The following ZDHHC17 variants were observed in gnomAD, a reference collection of about 807,000 sequenced individuals.
The protein encoded by ZDHHC17 is palmitoyltransferase ZDHHC17.
In ZDHHC17, 40 loss-of-function variants were observed where a neutral mutation model predicts 90.3. The ratio of observed to expected loss-of-function variants is 0.44; its 90% confidence interval spans 0.34 to 0.58. The LOEUF is 0.58. Among genes scored for constraint, ZDHHC17 ranks in the 20% least tolerant of loss-of-function variants. The pLI is 0.01. For missense variants in ZDHHC17, 614 were observed against 780.8 expected, an observed-to-expected ratio of 0.79 and a Z score of 2.55; for synonymous variants, 235 against 252.4, an observed-to-expected ratio of 0.93 and a Z score of 0.65.
intron 1 of ZDHHC17, among the ~76,000 whole-genome samples, chr12:76,790,899 C>G (rs899914214): frequency 7.2e-6 from 1 of 138,134 alleles, no homozygotes; most frequent in Non-Finnish European, 1.6e-5. Flanking sequence ...TCCTAGTGTT[C>G]TATAGTATTA....
At chr12:76,840,041 C>T (rs1953413781) in intron 10 of ZDHHC17, 1 of 152,166 alleles carries the variant, frequency 6.6e-6, no homozygotes, top group Non-Finnish European at 1.5e-5. Context: ...AGTGTAGCTT[C>T]TGCTTCAGTC....
Position 76,781,093 on chromosome 12 carries a change from C to T in ZDHHC17, c.94-16341C>T, listed in dbSNP as rs564088619. ...AGCTTGCAGTGAGCCGAGATTGCGC[C>T]ACTGCACTCCAGCCTGGGCGACAAA... On this transcript the variant is annotated intron_variant, in intron 1 of 16. Transcript: ENST00000426126. 1.8e-3 allele frequency among the ~76,000 whole-genome samples: 260 copies of T among 144,610 alleles called. 2 individuals carry two copies. The highest frequency in any genetic ancestry group is 6.5e-3 in the African/African-American group (253 of 38,834). 94.9% of individuals were successfully genotyped at this position (144,610 alleles called of 152,430 possible).
intron 2 of ZDHHC17, among the ~76,000 whole-genome samples, chr12:76,804,825 A>G (rs1221241489): frequency 6.6e-6 from 1 of 152,112 alleles, no homozygotes; most frequent in Non-Finnish European, 1.5e-5. Flanking sequence ...ACTGCTATTG[A>G]AAGTCTCACT....
At chr12:76,835,513 A>AT (rs1295567272) in intron 10 of ZDHHC17, among the ~76,000 whole-genome samples, 1 of 151,818 alleles carries the variant, frequency 6.6e-6, no homozygotes, top group Admixed American at 6.6e-5. Flanking sequence ...AAGAATTTTA[A>AT]TTTTTTTAAA....
At chr12:76,812,225 C>T (rs1338386889) in intron 5 of ZDHHC17, among the ~76,000 whole-genome samples, 1 of 152,200 alleles carries the variant, frequency 6.6e-6, no homozygotes, top group Non-Finnish European at 1.5e-5. Context: ...GAGTTTTTCT[C>T]TGTGCTAGAG....
intron 10 of ZDHHC17, among the ~76,000 whole-genome samples, chr12:76,839,437 T>G (rs941034781): frequency 6.6e-6 from 1 of 152,218 alleles, no homozygotes; most frequent in Non-Finnish European, 1.5e-5. Context: ...GAGAGGCACT[T>G]GGTTTGTTTG....
intron 8 of ZDHHC17, among the ~76,000 whole-genome samples, chr12:76,825,982 A>T (rs1953225699): frequency 6.6e-6 from 1 of 151,906 alleles, no homozygotes; most frequent in Non-Finnish European, 1.5e-5. Flanking sequence ...CCATGCCCAG[A>T]TAATTTTTGT....
At chr12:76,779,152 A>G (rs576415459) in intron 1 of ZDHHC17, among the ~76,000 whole-genome samples, 9 of 152,194 alleles carry the variant, frequency 5.9e-5, no homozygotes, top group East Asian at 5.8e-4. Flanking sequence ...TCTTTTGCCT[A>G]TTTCCTAGTT....
Position 76,786,768 on chromosome 12 carries a change from TG to T in ZDHHC17, c.94-10662del, listed in dbSNP as rs990836961. On this transcript the variant is annotated intron_variant, in intron 1 of 16. Coordinates refer to ENST00000426126, the MANE Select transcript of ZDHHC17 (RefSeq NM_015336.4). Reference sequence around the variant, plus strand: ...ACAGGAAAGGTGGAAGTATAAATTTTGGGGATGGTGGAAAGGAAAAAAAAAT... The same window carrying T: ...ACAGGAAAGGTGGAAGTATAAATTTTGGGATGGTGGAAAGGAAAAAAAAAT... 2.1e-5 allele frequency among the ~76,000 whole-genome samples: 3 copies of T among 141,962 alleles called. No individual in the cohort carries two copies. In the Admixed American group the frequency reaches 2.3e-4, roughly 11 times the overall value. The allele number at this position is 141,962 out of a possible 152,430, so 93.1% of individuals were successfully genotyped here. A position where few individuals can be genotyped will look rare whatever the true frequency, so the allele number is the denominator to read the frequency against.
intron 1 of ZDHHC17, among the ~76,000 whole-genome samples, chr12:76,783,468 C>T (rs1403522919): frequency 6.6e-6 from 1 of 152,212 alleles, no homozygotes; most frequent in Non-Finnish European, 1.5e-5. Flanking sequence ...TATTTATGAA[C>T]TCACTATCAT....
rs1401134141 is a variant in ZDHHC17 at position 76,851,983 on chromosome 12, T to A, written c.*998T>A. 1 of 152,556 alleles carries A rather than the reference T, an allele frequency of 6.6e-6. No individual in the cohort carries two copies. Among genetic ancestry groups the A allele is most frequent in the South Asian group, 2.1e-4 (1 of 4,826 alleles). The allele number at this position is 152,556 out of a possible 1,614,324, so 9.5% of individuals were successfully genotyped here. ...GAGCATGATCTAAGTACATAGCACA[T>A]GTGAATAAAAGAAAAGCTGACAGTA... On this transcript the variant is annotated 3_prime_UTR_variant, in exon 17 of 17. Coordinates refer to ENST00000426126, the MANE Select transcript of ZDHHC17 (RefSeq NM_015336.4).
At chr12:76,842,211 A>C (rs1264098530) in intron 11 of ZDHHC17, 105 bp downstream of exon 11, 1 of 1,227,546 alleles carries the variant, frequency 8.1e-7, no homozygotes, top group Non-Finnish European at 1.1e-6. Flanking sequence ...GAATGTAAAG[A>C]AGTTTTAAGC....
chr12:76,842,241 T>A, intron 11 of ZDHHC17, 135 bp downstream of exon 11: 1 of 952,846 alleles, frequency 1.0e-6, no homozygotes. Flanking sequence ...ATTATGTATC[T>A]TTTATTTGGT....
intron 9 of ZDHHC17, among the ~76,000 whole-genome samples, chr12:76,827,890 G>T (rs2094494752): frequency 6.6e-6 from 1 of 152,024 alleles, no homozygotes; most frequent in Non-Finnish European, 1.5e-5. Context: ...CCAATTTTAA[G>T]TATTAAAAAC....
chr12:76,806,170 A>G (rs1007052474), intron 3 of ZDHHC17, among the ~76,000 whole-genome samples: 8 of 152,174 alleles, frequency 5.3e-5, no homozygotes, highest in African/African-American at 1.7e-4. Flanking sequence ...ATCTTGGCAC[A>G]CTGCAGCCTC....
chr12:76,849,480 T>G lies in ZDHHC17; in HGVS notation c.1760+10T>G, dbSNP rs1039753075. The G allele has an allele frequency of 1.3e-6, 2 of 1,490,300 alleles. No homozygotes were observed. Among genetic ancestry groups the G allele is most frequent in the Non-Finnish European group, 1.8e-6 (2 of 1,111,384 alleles). The allele number at this position is 1,490,300 out of a possible 1,614,324, so 92.3% of individuals were successfully genotyped here. A position where few individuals can be genotyped will look rare whatever the true frequency, so the allele number is the denominator to read the frequency against. ...TTGAAAGCCCATTCAAGTATGTACA[T>G]ATTTATAAATTTAATATTTTACCTG... On this transcript the variant is annotated intron_variant, in intron 16 of 16. Transcript: ENST00000426126.
At chr12:76,764,389 A>G (rs1472107187) in intron 1 of ZDHHC17, 60 bp downstream of exon 1, 3 of 1,485,510 alleles carry the variant, frequency 2.0e-6, no homozygotes, top group Non-Finnish European at 2.7e-6. Flanking sequence ...TCTTCCCCGG[A>G]CTCGCCGAGG....
At chr12:76,837,489 TG>T (rs1209182888) in intron 10 of ZDHHC17, among the ~76,000 whole-genome samples, 2 of 152,022 alleles carry the variant, frequency 1.3e-5, no homozygotes, top group Non-Finnish European at 2.9e-5. Flanking sequence ...AGTGAGACCT[TG>T]TCTCTGTTAA....
rs554330164 is a variant in ZDHHC17, at chr12:76,837,415, A to C, written c.1142-4567A>C. Among the ~76,000 whole-genome samples, 8 of 152,282 alleles carry C rather than the reference A, an allele frequency of 5.3e-5. No homozygotes were observed. In the South Asian group the frequency reaches 1.7e-3, roughly 32 times the overall value. On this transcript the variant is annotated intron_variant, in intron 10 of 16. Transcript: ENST00000426126. ...GAGGTTGAGGCAGTAGGACCCTTTG[A>C]GCCTAGGAGTTCAAGACTGCAGTAA...
Sources: gnomAD v4.1 joint callset for allele counts (sites outside exome capture counted in the v4.1 genomes callset) on GRCh38, gnomAD v4.1.1 for gene constraint, MANE v1.5 for transcripts, NCBI Gene and HGNC (gene_info 2026-07-23, HGNC 2026-07-21) for gene names.